Variants in CEP70 observed in about 807,000 individuals in gnomAD.
CEP70 encodes the protein centrosomal protein 70, also known as centrosomal protein of 70 kDa.
In CEP70, 70 loss-of-function variants were observed where a neutral mutation model predicts 90.9. That is an observed-to-expected ratio of 0.77 (90% CI 0.64 to 0.94). CEP70 has a LOEUF of 0.94. Among genes scored for constraint, CEP70 ranks in the 40% least tolerant of loss-of-function variants. The pLI, the probability that CEP70 is intolerant of heterozygous loss-of-function variation, is 0.00. For synonymous variants in CEP70, 220 were observed against 228.3 expected (o/e 0.96, Z 0.33); for missense variants, 648 against 669.0 (o/e 0.97, Z 0.35).
Position 138,585,876 on chromosome 3 carries a change from T to A in CEP70, c.-6+5978A>T, listed in dbSNP as rs543905247. 5.3e-5 allele frequency among the ~76,000 whole-genome samples: 8 copies of A among 152,166 alleles called. No individual in the cohort carries two copies. In the East Asian group the frequency reaches 1.5e-3, roughly 29 times the overall value. On this transcript the variant is annotated intron_variant, in intron 2 of 17. Transcript: ENST00000264982. ...CCCTATCTCTCACCATATACAAAAA[T>A]CAAATAAAAATGAATCAAGACTTAA...
intron 2 of CEP70, among the ~76,000 whole-genome samples, chr3:138,573,262 G>C (rs1377939145): frequency 2.6e-5 from 4 of 151,764 alleles, no homozygotes; most frequent in Non-Finnish European, 4.4e-5. Context: ...CAAGAACAGA[G>C]GAAAGAATGG....
intron 10 of CEP70, among the ~76,000 whole-genome samples, chr3:138,526,602 T>C (rs935099166): frequency 6.6e-6 from 1 of 152,226 alleles, no homozygotes; most frequent in African/African-American, 2.4e-5. Flanking sequence ...TCTTTATTAC[T>C]GTCAACATAG....
At position 138,572,664 on chromosome 3, in the gene CEP70, G is replaced by A. The variant is rs139586820; in HGVS notation, c.69+195C>T. Among the ~76,000 whole-genome samples the A allele has an allele frequency of 8.5e-5, 13 of 152,310 alleles. No homozygotes were observed. The East Asian group carries it at 2.5e-3, about 29-fold the overall frequency. ...TAGTGTTAAGTATGTATGAAATGCT[G>A]TATACTAAATCCTCCCTTTGGAGAC... On this transcript the variant is annotated intron_variant, in intron 3 of 17. Coordinates refer to ENST00000264982, the MANE Select transcript of CEP70 (RefSeq NM_024491.4).
intron 13 of CEP70, among the ~76,000 whole-genome samples, chr3:138,504,541 ACT>A (rs1485081041): frequency 6.6e-6 from 1 of 152,194 alleles, no homozygotes; most frequent in Non-Finnish European, 1.5e-5. Context: ...TGTTGCAAAC[ACT>A]GTTATTGAAT....
At chr3:138,556,675 G>T (rs367690949) in intron 6 of CEP70, among the ~76,000 whole-genome samples, 1 of 152,078 alleles carries the variant, frequency 6.6e-6, no homozygotes, top group Middle Eastern at 3.4e-3. Context: ...CTGGGCGTCC[G>T]GGGGAGACAT....
intron 2 of CEP70, among the ~76,000 whole-genome samples, chr3:138,577,167 G>C (rs773447): frequency 0.97 from 146,311 of 150,208 alleles, 71,284 homozygotes; most frequent in East Asian, 1. Context: ...GACACAGGAA[G>C]GGGAACATCA....
At chr3:138,534,009 C>T (rs1175152872) in intron 7 of CEP70, among the ~76,000 whole-genome samples, 1 of 152,172 alleles carries the variant, frequency 6.6e-6, no homozygotes, top group African/African-American at 2.4e-5. Context: ...TGGTCTCGAT[C>T]TCCTGACCTC....
chr3:138,509,938 G>A (rs1253546415), intron 11 of CEP70, among the ~76,000 whole-genome samples: 1 of 152,130 alleles, frequency 6.6e-6, no homozygotes, highest in Non-Finnish European at 1.5e-5. Context: ...AAATGCAAGA[G>A]TAGTCATGTT....
intron 2 of CEP70, among the ~76,000 whole-genome samples, chr3:138,587,620 C>CCAAAAAAAAA (rs1553870811): frequency 2.2e-5 from 3 of 137,430 alleles, no homozygotes; most frequent in Non-Finnish European, 4.6e-5. Flanking sequence ...CCCATCTCTA[C>CCAAAAAAAAA]AAAAAAAAGA....
chr3:138,581,628 G>A (rs577770844), intron 2 of CEP70, among the ~76,000 whole-genome samples: 3 of 148,608 alleles, frequency 2.0e-5, no homozygotes, highest in East Asian at 2.1e-4. Flanking sequence ...GCCTGAACCT[G>A]GGAGGTAAAG....
At chr3:138,525,789 G>A (rs1441772632) in intron 10 of CEP70, among the ~76,000 whole-genome samples, 14 of 152,006 alleles carry the variant, frequency 9.2e-5, no homozygotes, top group Non-Finnish European at 1.9e-4. Flanking sequence ...CTGCTAATCT[G>A]TTACTTGTTT....
chr3:138,513,250 G>T (rs1486472969), intron 11 of CEP70, among the ~76,000 whole-genome samples: 1 of 152,172 alleles, frequency 6.6e-6, no homozygotes, highest in Admixed American at 6.5e-5. Context: ...CTTCCTGAAA[G>T]CTATACTACT....
intron 6 of CEP70, among the ~76,000 whole-genome samples, chr3:138,557,364 T>C (rs1424127615): frequency 1.3e-5 from 2 of 152,160 alleles, no homozygotes; most frequent in Admixed American, 1.3e-4. Flanking sequence ...TGAGGCGACA[T>C]ACATCCTCCT....
chr3:138,537,367 A>G lies in CEP70; in HGVS notation c.466-20T>C. The G allele has an allele frequency of 6.6e-7, 1 of 1,522,744 alleles. No homozygotes were observed. Among genetic ancestry groups the G allele is most frequent in the South Asian group, 1.3e-5 (1 of 78,462 alleles). The allele number at this position is 1,522,744 out of a possible 1,614,324, so 94.3% of individuals were successfully genotyped here. ...CTTCACCTATAAGATATTTTTTAAA[A>G]ACATGATTATGATATGTACATCTAG... is the stretch of plus-strand genomic sequence containing the variant. On this transcript the variant is annotated intron_variant, in intron 6 of 17. Transcript: ENST00000264982.
At chr3:138,503,534 G>A (rs1489490446) in intron 13 of CEP70, among the ~76,000 whole-genome samples, 1 of 152,110 alleles carries the variant, frequency 6.6e-6, no homozygotes, top group Non-Finnish European at 1.5e-5. Flanking sequence ...TTGATATGAG[G>A]CCTCAGAGAA....
chr3:138,529,888 T>C (rs991483603), intron 8 of CEP70, among the ~76,000 whole-genome samples: 1 of 152,172 alleles, frequency 6.6e-6, no homozygotes, highest in African/African-American at 2.4e-5. Context: ...ATGAAGAAAA[T>C]GTAGATCATA....
rs143814158 is a variant in CEP70, at chr3:138,580,583, C to T, written c.-5-7651G>A. 7.1e-4 allele frequency among the ~76,000 whole-genome samples: 108 copies of T among 152,230 alleles called. 1 individual carries two copies. The highest frequency in any genetic ancestry group is 1.2e-3 in the Non-Finnish European group (84 of 68,006). On this transcript the variant is annotated intron_variant, in intron 2 of 17. Transcript: ENST00000264982. ...AAACAAGCCCAGACTACAAAGACTA[C>T]AATAAATACCTAATTCTTCAATGCC...
chr3:138,577,813 T>C (rs781305975), intron 2 of CEP70, among the ~76,000 whole-genome samples: 8 of 152,152 alleles, frequency 5.3e-5, no homozygotes, highest in Non-Finnish European at 8.8e-5. Flanking sequence ...ACTGTCAAAC[T>C]AGATTTTTAA....
At chr3:138,517,395 C>T (rs1290320979) in intron 11 of CEP70, among the ~76,000 whole-genome samples, 2 of 152,032 alleles carry the variant, frequency 1.3e-5, no homozygotes, top group African/African-American at 4.8e-5. Context: ...TAAGGCCAAG[C>T]GCGGTGACTC....
Sources: allele counts gnomAD v4.1 joint callset (sites outside exome capture counted in the v4.1 genomes callset), GRCh38; gene constraint gnomAD v4.1.1; transcripts MANE v1.5; gene names NCBI Gene and HGNC (gene_info 2026-07-23, HGNC 2026-07-21).